The following GPC5 variants were observed in gnomAD, a reference collection of about 807,000 sequenced individuals.
GPC5 encodes glypican-5.
GPC5 carries 47 observed loss-of-function variants against 53.9 expected under a neutral mutation model. The observed-to-expected ratio is 0.87, with a 90% CI of 0.69 to 1.11. GPC5 has a LOEUF of 1.11. GPC5 is among the 50% of genes most tolerant of loss of function. The pLI is 0.00. For synonymous variants in GPC5, 286 were observed against 263.3 expected, an observed-to-expected ratio of 1.09 and a Z score of -0.84; for missense variants, 748 against 713.1, an observed-to-expected ratio of 1.05 and a Z score of -0.56.
intron 2 of GPC5, among the ~76,000 whole-genome samples, chr13:91,532,463 A>G (rs888725524): frequency 5.3e-5 from 8 of 152,152 alleles, no homozygotes; most frequent in Non-Finnish European, 8.8e-5. Context: ...TTTTCCATGG[A>G]TCTTGGTATA....
At chr13:92,534,374 T>A (rs1410066831) in intron 7 of GPC5, among the ~76,000 whole-genome samples, 3 of 152,184 alleles carry the variant, frequency 2.0e-5, no homozygotes, top group African/African-American at 7.2e-5. Flanking sequence ...TGGAAGAATA[T>A]ACTTCTGCAC....
intron 2 of GPC5, among the ~76,000 whole-genome samples, chr13:91,548,800 A>C (rs748099708): frequency 3.9e-5 from 6 of 152,230 alleles, no homozygotes; most frequent in Non-Finnish European, 8.8e-5. Flanking sequence ...GACCCACATA[A>C]ACATTGTCAA....
intron 7 of GPC5, among the ~76,000 whole-genome samples, chr13:92,410,892 G>C (rs536367984): frequency 6.4e-4 from 98 of 152,160 alleles, no homozygotes; most frequent in Non-Finnish European, 1.1e-3. Flanking sequence ...ATTTATTAAA[G>C]AAAAGCTACA....
chr13:92,489,858 A>G (rs1245005172), intron 7 of GPC5, among the ~76,000 whole-genome samples: 2 of 141,740 alleles, frequency 1.4e-5, no homozygotes, highest in Middle Eastern at 3.4e-3. Flanking sequence ...AACAAAAAAT[A>G]TGGTCATATT....
At chr13:92,644,191 A>G (rs1383858110) in intron 7 of GPC5, among the ~76,000 whole-genome samples, 3 of 152,148 alleles carry the variant, frequency 2.0e-5, no homozygotes, top group East Asian at 1.9e-4. Context: ...GCTGATTTCT[A>G]CTATGTGTTT....
At chr13:92,140,273 C>T (rs1194502349) in intron 6 of GPC5, among the ~76,000 whole-genome samples, 1 of 152,158 alleles carries the variant, frequency 6.6e-6, no homozygotes, top group African/African-American at 2.4e-5. Context: ...GCAGTAGAAG[C>T]TGGGTAGCGG....
intron 7 of GPC5, among the ~76,000 whole-genome samples, chr13:92,583,655 C>T (rs914251496): frequency 3.3e-5 from 5 of 152,256 alleles, no homozygotes; most frequent in African/African-American, 1.2e-4. Flanking sequence ...GTGAAGCACA[C>T]ATGCAGTCTG....
At chr13:92,693,243 C>G (rs1232945304) in intron 7 of GPC5, among the ~76,000 whole-genome samples, 2 of 152,030 alleles carry the variant, frequency 1.3e-5, no homozygotes, top group African/African-American at 4.8e-5. Flanking sequence ...AAATGGGTAC[C>G]AGGAGTGTGG....
At chr13:91,997,502 C>T (rs983376931) in intron 6 of GPC5, among the ~76,000 whole-genome samples, 3 of 151,780 alleles carry the variant, frequency 2.0e-5, no homozygotes, top group Admixed American at 1.3e-4. Flanking sequence ...TTTGCCATTA[C>T]ACTCTCCTCT....
chr13:92,699,513 T>C (rs1023265006), intron 7 of GPC5, among the ~76,000 whole-genome samples: 2 of 152,146 alleles, frequency 1.3e-5, no homozygotes, highest in Non-Finnish European at 2.9e-5. Flanking sequence ...CTTTTAAATG[T>C]GATGTTAGGG....
chr13:91,458,171 C>T (rs908436453), intron 2 of GPC5, among the ~76,000 whole-genome samples: 61 of 151,962 alleles, frequency 4.0e-4, no homozygotes, highest in African/African-American at 1.4e-3. Flanking sequence ...CATTCCAGGA[C>T]CAGGAAATAG....
intron 2 of GPC5, among the ~76,000 whole-genome samples, chr13:91,470,393 T>A (rs368712066): frequency 6.6e-6 from 1 of 152,248 alleles, no homozygotes; most frequent in Admixed American, 6.5e-5. Context: ...GGGATTAGAC[T>A]GATATCAGTA....
chr13:92,837,201 C>T (rs1270857181), intron 7 of GPC5, among the ~76,000 whole-genome samples: 7 of 151,912 alleles, frequency 4.6e-5, no homozygotes, highest in African/African-American at 7.3e-5. Flanking sequence ...TCTGTAGATC[C>T]GAGAGAAAGG....
chr13:91,692,936 G>A (rs1028851830), intron 2 of GPC5, among the ~76,000 whole-genome samples: 7 of 152,148 alleles, frequency 4.6e-5, no homozygotes, highest in Non-Finnish European at 8.8e-5. Context: ...GAGCCACCAC[G>A]CCTGGTGATT....
rs564816398 is a variant in GPC5 at position 92,665,492 on chromosome 13, A to G, written c.1562-200790A>G. On this transcript the variant is annotated intron_variant, in intron 7 of 7. Coordinates refer to ENST00000377067, the MANE Select transcript of GPC5 (RefSeq NM_004466.6). ...TAGCATATCTATGCCTAGAAAATCA[A>G]GCCAACTGAGGTGGAAAAGACCTCG... Among the ~76,000 whole-genome samples, 40 of 152,252 alleles carry G rather than the reference A, an allele frequency of 2.6e-4. No homozygotes were observed. The South Asian group carries it at 7.9e-3, about 30-fold the overall frequency.
chr13:91,529,818 C>T (rs897324556), intron 2 of GPC5, among the ~76,000 whole-genome samples: 2 of 152,138 alleles, frequency 1.3e-5, no homozygotes, highest in African/African-American at 4.8e-5. Flanking sequence ...AGGTCATTGT[C>T]ACCTCACTTT....
At chr13:91,506,192 A>G (rs1884933802) in intron 2 of GPC5, among the ~76,000 whole-genome samples, 1 of 152,062 alleles carries the variant, frequency 6.6e-6, no homozygotes, top group Non-Finnish European at 1.5e-5. Flanking sequence ...ACTATATTCT[A>G]TTTGCTCTTA....
chr13:92,265,308 GC>G (rs923877181), intron 7 of GPC5, among the ~76,000 whole-genome samples: 11 of 152,064 alleles, frequency 7.2e-5, no homozygotes, highest in African/African-American at 2.7e-4. Flanking sequence ...GTTAAAAGAA[GC>G]CACACAGCTG....
intron 7 of GPC5, among the ~76,000 whole-genome samples, chr13:92,750,086 G>A (rs1352694875): frequency 1.3e-5 from 2 of 152,066 alleles, no homozygotes; most frequent in East Asian, 3.9e-4. Context: ...TACTCCTAAT[G>A]GAGCATTTGA....
Sources: allele counts gnomAD v4.1 joint callset (sites outside exome capture counted in the v4.1 genomes callset), GRCh38; gene constraint gnomAD v4.1.1; transcripts MANE v1.5; gene names NCBI Gene and HGNC (gene_info 2026-07-23, HGNC 2026-07-21).